Variants in CADM2 observed in about 807,000 individuals in gnomAD.
CADM2 encodes cell adhesion molecule 2.
In CADM2, 12 loss-of-function variants were observed where a neutral mutation model predicts 49.8. The ratio of observed to expected loss-of-function variants is 0.24; its 90% CI spans 0.15 to 0.39. CADM2 has a LOEUF of 0.39. Among genes scored for constraint, CADM2 ranks in the 10% least tolerant of loss-of-function variants. The probability of loss-of-function intolerance (pLI) is 1.00; values close to 1 mark genes in which losing one functional copy is unlikely to be tolerated. For missense variants in CADM2, 378 were observed against 492.3 expected (o/e 0.77, Z 2.20); for synonymous variants, 214 against 175.4 (o/e 1.22, Z -1.74).
In CADM2 at chr3:85,783,438, GATGAA is replaced by G. The variant is rs368519692; in HGVS notation, c.89-18608_89-18604del. ...GTGGTAACATTTGCTCCTGGGAGGA[GATGAA>G]GGAAAAAGGGTCCATAAGGTTCCCA... On this transcript the variant is annotated intron_variant, in intron 2 of 9. Coordinates refer to ENST00000383699, the MANE Select transcript of CADM2 (RefSeq NM_001167675.2). 2.2e-3 allele frequency among the ~76,000 whole-genome samples: 330 copies of G among 152,194 alleles called. 1 individual carries two copies. Among genetic ancestry groups the G allele is most frequent in the African/African-American group, 7.6e-3 (316 of 41,546 alleles).
At chr3:84,975,830 C>G (rs933927617) in intron 1 of CADM2, among the ~76,000 whole-genome samples, 2 of 151,810 alleles carry the variant, frequency 1.3e-5, no homozygotes, top group African/African-American at 2.4e-5. Context: ...TGAACATCTT[C>G]TAAACTAATA....
intron 1 of CADM2, among the ~76,000 whole-genome samples, chr3:85,221,299 G>T (rs996971349): frequency 2.6e-5 from 4 of 151,994 alleles, no homozygotes; most frequent in Admixed American, 6.6e-5. Flanking sequence ...TCCTGAAACA[G>T]GATAGAATGA....
At chr3:85,362,321 T>C (rs2032418043) in intron 1 of CADM2, among the ~76,000 whole-genome samples, 1 of 152,182 alleles carries the variant, frequency 6.6e-6, no homozygotes, top group Non-Finnish European at 1.5e-5. Flanking sequence ...ACATTTCTAG[T>C]CCTCAAATTT....
At chr3:85,705,321 A>G (rs2066910657) in intron 1 of CADM2, among the ~76,000 whole-genome samples, 1 of 151,622 alleles carries the variant, frequency 6.6e-6, no homozygotes, top group African/African-American at 2.4e-5. Flanking sequence ...ATTCATTAAC[A>G]TTTTCATTGT....
intron 1 of CADM2, among the ~76,000 whole-genome samples, chr3:85,057,057 T>C (rs1159836909): frequency 6.6e-6 from 1 of 152,144 alleles, no homozygotes; most frequent in Non-Finnish European, 1.5e-5. Flanking sequence ...AGATAATCTC[T>C]CGAATTCATT....
At chr3:85,161,909 C>T (rs929012949) in intron 1 of CADM2, among the ~76,000 whole-genome samples, 4 of 151,862 alleles carry the variant, frequency 2.6e-5, no homozygotes, top group Non-Finnish European at 5.9e-5. Flanking sequence ...CCCACCTACT[C>T]GGGAGGCTGA....
chr3:85,557,589 C>T (rs2061992498), intron 1 of CADM2, among the ~76,000 whole-genome samples: 1 of 151,672 alleles, frequency 6.6e-6, no homozygotes, highest in Admixed American at 6.6e-5. Context: ...TTATGGTTTT[C>T]ATAAAGGAGA....
At chr3:85,954,913 A>C (rs1723862684) in intron 7 of CADM2, among the ~76,000 whole-genome samples, 1 of 151,280 alleles carries the variant, frequency 6.6e-6, no homozygotes, top group South Asian at 2.1e-4. Flanking sequence ...TTCACTTTCC[A>C]GTGAAAATAT....
intron 1 of CADM2, among the ~76,000 whole-genome samples, chr3:85,181,845 TA>T (rs1002833493): frequency 6.7e-6 from 1 of 149,984 alleles, no homozygotes; most frequent in Non-Finnish European, 1.5e-5. Context: ...ATATACTTTT[TA>T]AAAAAACATT....
At position 85,668,415 on chromosome 3, in the gene CADM2, G is replaced by A. The variant is rs1429395812; in HGVS notation, c.62-58107G>A. On this transcript the variant is annotated intron_variant, in intron 1 of 9. Coordinates refer to ENST00000383699, the MANE Select transcript of CADM2 (RefSeq NM_001167675.2). ...ATTTTCTTTGTTCAATGAACAAGGTGGTTTATGATTGATATGGTTTGGCTG... is the reference window on the plus strand; with the variant it reads ...ATTTTCTTTGTTCAATGAACAAGGTAGTTTATGATTGATATGGTTTGGCTG... Among the ~76,000 whole-genome samples the A allele has an allele frequency of 2.0e-5, 3 of 151,874 alleles. No individual in the cohort carries two copies. In the East Asian group the frequency reaches 5.8e-4, roughly 29 times the overall value.
rs530490073 is a variant in CADM2 at position 85,010,722 on chromosome 3, AT to A, written c.61+51064del. ...TATTATGTCATATGCGCCTTAGGTG[AT>A]TTTTTTTTTCTCCTAAATGTACTAG... On this transcript the variant is annotated intron_variant, in intron 1 of 9. Coordinates refer to ENST00000383699, the MANE Select transcript of CADM2 (RefSeq NM_001167675.2). Among the ~76,000 whole-genome samples the A allele has an allele frequency of 2.3e-3, 345 of 148,066 alleles. 1 individual carries two copies. The highest frequency in any genetic ancestry group is 3.5e-3 in the Non-Finnish European group (236 of 66,878).
intron 2 of CADM2, among the ~76,000 whole-genome samples, chr3:85,728,883 T>C (rs936209994): frequency 2.6e-5 from 4 of 152,310 alleles, no homozygotes; most frequent in Non-Finnish European, 4.4e-5. Flanking sequence ...ACAGAGTTCA[T>C]TGAGAATCAG....
At chr3:85,886,160 T>TG in intron 4 of CADM2, 30 bp from the exon 5 acceptor site, 1 of 1,609,786 alleles carries the variant, frequency 6.2e-7, no homozygotes, top group African/African-American at 1.3e-5. Context: ...TGAAGATTGA[T>TG]GCTCACTTCA....
At chr3:85,003,367 A>G (rs535111802) in intron 1 of CADM2, among the ~76,000 whole-genome samples, 7 of 152,248 alleles carry the variant, frequency 4.6e-5, no homozygotes, top group Non-Finnish European at 7.4e-5. Context: ...TTCAAAGATG[A>G]GATTGTTTAA....
chr3:85,764,814 CCT>C (rs2069576660), intron 2 of CADM2, among the ~76,000 whole-genome samples: 1 of 151,920 alleles, frequency 6.6e-6, no homozygotes, highest in Non-Finnish European at 1.5e-5. Flanking sequence ...TTAATTATCT[CCT>C]TTTATGTTCT....
At chr3:85,911,300 T>C (rs1292305788) in intron 5 of CADM2, among the ~76,000 whole-genome samples, 1 of 152,180 alleles carries the variant, frequency 6.6e-6, no homozygotes, top group Non-Finnish European at 1.5e-5. Context: ...CTTGAGAAAT[T>C]ACAAATTAAG....
intron 1 of CADM2, among the ~76,000 whole-genome samples, chr3:85,399,822 T>C (rs546018798): frequency 1.3e-5 from 2 of 152,302 alleles, no homozygotes; most frequent in South Asian, 2.1e-4. Flanking sequence ...TGATTTTGTA[T>C]CCTGAGACTT....
intron 1 of CADM2, among the ~76,000 whole-genome samples, chr3:85,500,710 G>A (rs2040080310): frequency 6.6e-6 from 1 of 151,946 alleles, no homozygotes; most frequent in African/African-American, 2.4e-5. Flanking sequence ...GTGGAGATGA[G>A]GTTTCCCCGT....
At chr3:85,399,591 A>T (rs1282916884) in intron 1 of CADM2, among the ~76,000 whole-genome samples, 3 of 152,130 alleles carry the variant, frequency 2.0e-5, no homozygotes, top group African/African-American at 7.2e-5. Context: ...TCATGAATTG[A>T]TTCTTCCTAT....
Sources: gnomAD v4.1 joint callset for allele counts (sites outside exome capture counted in the v4.1 genomes callset) on GRCh38, gnomAD v4.1.1 for gene constraint, MANE v1.5 for transcripts, NCBI Gene and HGNC (gene_info 2026-07-23, HGNC 2026-07-21) for gene names.